SYT10: variants seen among roughly 807,000 people sequenced by gnomAD.
SYT10 encodes the protein synaptotagmin 10.
A neutral mutation model predicts 51.1 loss-of-function variants in SYT10; 31 were observed. The ratio of observed to expected loss-of-function variants is 0.61; its 90% CI spans 0.46 to 0.82. The LOEUF is 0.82. SYT10 is among the 40% of genes least tolerant of loss of function. The pLI, the probability that SYT10 is intolerant of heterozygous loss-of-function variation, is 0.00. For missense variants in SYT10, 603 were observed against 634.0 expected, an observed-to-expected ratio of 0.95 and a Z score of 0.53; for synonymous variants, 233 against 225.9, an observed-to-expected ratio of 1.03 and a Z score of -0.28.
intron 2 of SYT10, among the ~76,000 whole-genome samples, chr12:33,410,918 A>G (rs927547627): frequency 2.6e-5 from 4 of 152,244 alleles, no homozygotes; most frequent in African/African-American, 9.6e-5. Flanking sequence ...TTGCCAGTAA[A>G]AGCTAACATA....
intron 6 of SYT10, among the ~76,000 whole-genome samples, chr12:33,377,629 C>CTTTTTCTT (rs1555175834): frequency 3.5e-5 from 4 of 114,010 alleles, no homozygotes; most frequent in Non-Finnish European, 6.9e-5. Context: ...TTTTCTTTTT[C>CTTTTTCTT]TTTTTTTTTT....
intron 1 of SYT10, among the ~76,000 whole-genome samples, chr12:33,437,450 T>C (rs563373704): frequency 6.6e-6 from 1 of 152,348 alleles, no homozygotes; most frequent in East Asian, 1.9e-4. Context: ...ATTCATATAC[T>C]ATAGTTTATC....
intron 2 of SYT10, among the ~76,000 whole-genome samples, chr12:33,414,332 A>T (rs1012362116): frequency 1.1e-4 from 16 of 152,176 alleles, no homozygotes; most frequent in Non-Finnish European, 2.2e-4. Context: ...CACCAAGCGG[A>T]CCTAATAGAC....
At chr12:33,429,023 C>A (rs980014665) in intron 1 of SYT10, among the ~76,000 whole-genome samples, 1 of 151,842 alleles carries the variant, frequency 6.6e-6, no homozygotes, top group South Asian at 2.1e-4. Context: ...TACAGCAGCA[C>A]GTGGAGTTGA....
Position 33,426,112 on chromosome 12 carries a change from G to A in SYT10, c.509+26C>T, listed in dbSNP as rs1473371821. On this transcript the variant is annotated intron_variant, in intron 2 of 6. Transcript: ENST00000228567. ...CACACACACACACGCACACACACCAGTTTTATATATTTAATCTTTCCTTAC... is the reference window on the plus strand; with the variant it reads ...CACACACACACACGCACACACACCAATTTTATATATTTAATCTTTCCTTAC... The A allele has an allele frequency of 4.5e-6, 7 of 1,550,358 alleles. 1 individual carries two copies. In the South Asian group the frequency reaches 5.0e-5, roughly 11 times the overall value.
At position 33,439,547 on chromosome 12, in the gene SYT10, CT is replaced by C. The variant is rs746474987; in HGVS notation, c.-26del. 1.6e-5 allele frequency: 26 copies of C among 1,609,700 alleles called. No homozygotes were observed. Among genetic ancestry groups the C allele is most frequent in the Non-Finnish European group, 2.0e-5 (24 of 1,177,106 alleles). ...TCGTTTGGCTTTTCTTTCGTTTTCT[CT>C]TTTTTTCCCAGTTAGCCGTCTTTTC... On this transcript the variant is annotated 5_prime_UTR_variant, in exon 1 of 7. Coordinates refer to ENST00000228567, the MANE Select transcript of SYT10 (RefSeq NM_198992.4).
intron 2 of SYT10, among the ~76,000 whole-genome samples, chr12:33,417,619 T>C (rs1311532936): frequency 6.6e-6 from 1 of 152,226 alleles, no homozygotes; most frequent in Non-Finnish European, 1.5e-5. Flanking sequence ...CTGTGCAGCA[T>C]TAGCTAGCTA....
intron 2 of SYT10, among the ~76,000 whole-genome samples, chr12:33,425,050 A>G (rs541254825): frequency 6.6e-6 from 1 of 152,160 alleles, no homozygotes; most frequent in East Asian, 1.9e-4. Flanking sequence ...ATTTGTAGAT[A>G]TAATTCTCCC....
At chr12:33,423,433 T>C (rs1866523238) in intron 2 of SYT10, among the ~76,000 whole-genome samples, 1 of 152,096 alleles carries the variant, frequency 6.6e-6, no homozygotes, top group Non-Finnish European at 1.5e-5. Context: ...TTTATAATAA[T>C]GTACCCTTGA....
Position 33,406,863 on chromosome 12 carries a change from G to C in SYT10, c.1003C>G (p.Leu335Val), listed in dbSNP as rs1178095787. The C allele has an allele frequency of 6.2e-6, 10 of 1,613,974 alleles. No homozygotes were observed. The South Asian group carries it at 1.1e-4, about 18-fold the overall frequency. ...SRHDMIGEVI[L>V]DNLFEVSDLS... ...TCAGAGACTTCAAACAAATTATCAA[G>C]AATCACTTCCCCAATCATGTCATGT... Residue 335 changes from leucine to valine, a missense_variant, in exon 3 of 7, where the codon CTT becomes GTT. Leu to Val is a conservative substitution (Grantham distance 32). Coordinates refer to ENST00000228567, the MANE Select transcript of SYT10 (RefSeq NM_198992.4).
intron 1 of SYT10, among the ~76,000 whole-genome samples, chr12:33,431,933 T>C (rs1356455514): frequency 6.6e-6 from 1 of 151,534 alleles, no homozygotes; most frequent in African/African-American, 2.4e-5. Context: ...TGAATTATGT[T>C]AAGAAAAAAT....
At chr12:33,387,064 T>A (rs1264015436) in intron 3 of SYT10, among the ~76,000 whole-genome samples, 1 of 152,146 alleles carries the variant, frequency 6.6e-6, no homozygotes, top group African/African-American at 2.4e-5. Context: ...GTGGCAGGTT[T>A]ACTTTTGGGG....
chr12:33,404,721 A>C (rs1317978273), intron 3 of SYT10, among the ~76,000 whole-genome samples: 1 of 152,162 alleles, frequency 6.6e-6, no homozygotes, highest in Non-Finnish European at 1.5e-5. Context: ...AAACTGTAAA[A>C]TGTTTGTGTA....
intron 4 of SYT10, among the ~76,000 whole-genome samples, chr12:33,384,804 C>T (rs1330634365): frequency 1.3e-5 from 2 of 152,152 alleles, no homozygotes; most frequent in East Asian, 3.9e-4. Flanking sequence ...TAAATTCAGA[C>T]TAAACATATC....
chr12:33,428,822 C>T (rs1866573243), intron 1 of SYT10, among the ~76,000 whole-genome samples: 4 of 149,738 alleles, frequency 2.7e-5, no homozygotes, highest in South Asian at 2.2e-4. Flanking sequence ...AGGAGAATGG[C>T]GTGAGCCCGG....
rs1311638243 is a variant in SYT10, at chr12:33,389,783, G to A, written c.1078-4492C>T. Among the ~76,000 whole-genome samples the A allele has an allele frequency of 2.0e-5, 3 of 152,184 alleles. No homozygotes were observed. The East Asian group carries it at 5.8e-4, about 29-fold the overall frequency. ...TTCTTCACACAGTTAAAAGTGAGAT[G>A]TAGAACTAGATCAAATGAGCTTCTT... is the stretch of plus-strand genomic sequence containing the variant. On this transcript the variant is annotated intron_variant, in intron 3 of 6. Transcript: ENST00000228567.
intron 2 of SYT10, among the ~76,000 whole-genome samples, chr12:33,413,656 C>T (rs1776177410): frequency 6.6e-6 from 1 of 152,114 alleles, no homozygotes; most frequent in Non-Finnish European, 1.5e-5. Flanking sequence ...CACCACCAGG[C>T]CTGTCCTAAA....
At chr12:33,395,642 A>C (rs1434226806) in intron 3 of SYT10, among the ~76,000 whole-genome samples, 2 of 152,224 alleles carry the variant, frequency 1.3e-5, no homozygotes, top group Admixed American at 1.3e-4. Context: ...CATTGACTCC[A>C]ATTGATTTTT....
Position 33,382,456 on chromosome 12 carries a change from T to C in SYT10, c.1263A>G (p.Thr421=). The part of the protein sequence containing the change: ...GRRLKKRKTT[T]KKNTLNPVYN... ...ACACAGGGTTTAGAGTGTTTTTCTT[T>C]GTAGTTGTTTTCCTCTTTTTTAATC... The change falls in exon 5 of 7, where the codon ACA becomes ACG. Residue 421 remains threonine, a synonymous_variant. Transcript: ENST00000228567. The C allele has an allele frequency of 6.2e-7, 1 of 1,613,304 alleles. No individual in the cohort carries two copies. Among genetic ancestry groups the C allele is most frequent in the Non-Finnish European group, 8.5e-7 (1 of 1,179,548 alleles).
Sources: gnomAD v4.1 joint callset for allele counts (sites outside exome capture counted in the v4.1 genomes callset) on GRCh38, gnomAD v4.1.1 for gene constraint, MANE v1.5 for transcripts, NCBI Gene and HGNC (gene_info 2026-07-23, HGNC 2026-07-21) for gene names.